The following CCDC171 variants were observed in gnomAD, a reference collection of about 807,000 sequenced individuals.
CCDC171 encodes the protein coiled-coil domain-containing protein 171.
CCDC171 carries 177 observed loss-of-function variants against 168.2 expected under a neutral mutation model. The ratio of observed to expected loss-of-function variants is 1.05; its 90% CI spans 0.93 to 1.19. CCDC171 has a LOEUF of 1.19. CCDC171 is among the 50% of genes most tolerant of loss of function. The pLI, the probability that CCDC171 is intolerant of heterozygous loss-of-function variation, is 0.00. For synonymous variants in CCDC171, 687 were observed against 540.8 expected (o/e 1.27, Z -3.75); for missense variants, 1,991 against 1,539.0 (o/e 1.29, Z -4.91).
intron 21 of CCDC171, among the ~76,000 whole-genome samples, chr9:15,804,416 G>C (rs539374588): frequency 6.7e-6 from 1 of 149,610 alleles, no homozygotes; most frequent in South Asian, 2.1e-4. Context: ...TCAATACCTA[G>C]TTTATTGATC....
intron 18 of CCDC171, among the ~76,000 whole-genome samples, chr9:15,770,248 A>G (rs891834051): frequency 2.6e-5 from 4 of 152,218 alleles, no homozygotes; most frequent in Admixed American, 6.5e-5. Flanking sequence ...AAAAAGTTCA[A>G]TGTTCTTATT....
At chr9:15,937,932 G>A (rs1178598310) in intron 25 of CCDC171, among the ~76,000 whole-genome samples, 1 of 151,868 alleles carries the variant, frequency 6.6e-6, no homozygotes, top group Non-Finnish European at 1.5e-5. Flanking sequence ...AGGAATGGAT[G>A]GGTGAAGAGA....
intron 24 of CCDC171, among the ~76,000 whole-genome samples, chr9:15,912,035 T>C (rs1823735672): frequency 6.6e-6 from 1 of 152,232 alleles, no homozygotes; most frequent in African/African-American, 2.4e-5. Flanking sequence ...GTACAGGCTC[T>C]CTTTTTGTTC....
chr9:16,104,347 G>A, the CCDC171 span, among the ~76,000 whole-genome samples: 1 of 151,204 alleles, frequency 6.6e-6, no homozygotes, highest in Admixed American at 6.6e-5. Flanking sequence ...CAAAGCTCCT[G>A]CCTTTCTCTT....
chr9:15,975,516 T>C (rs1344443424), downstream of CCDC171, among the ~76,000 whole-genome samples: 1 of 152,190 alleles, frequency 6.6e-6, no homozygotes, highest in Non-Finnish European at 1.5e-5. Context: ...ACAGTAACTG[T>C]GAAGTTGGTG....
the CCDC171 span, among the ~76,000 whole-genome samples, chr9:16,102,299 A>G: frequency 6.6e-6 from 1 of 152,124 alleles, no homozygotes; most frequent in Non-Finnish European, 1.5e-5. Flanking sequence ...AGATCTGTAG[A>G]CATATACACA....
At chr9:15,698,579 A>G (rs2133829908) in intron 11 of CCDC171, among the ~76,000 whole-genome samples, 1 of 151,530 alleles carries the variant, frequency 6.6e-6, no homozygotes, top group East Asian at 1.9e-4. Flanking sequence ...TGGCTTATTT[A>G]ACTTAACATA....
intron 7 of CCDC171, among the ~76,000 whole-genome samples, chr9:15,628,344 C>A (rs921286881): frequency 6.6e-6 from 1 of 152,148 alleles, no homozygotes; most frequent in African/African-American, 2.4e-5. Flanking sequence ...GCTTTTCCGA[C>A]GGGCTTAAAA....
At chr9:15,563,129 C>T (rs969686430) in intron 1 of CCDC171, among the ~76,000 whole-genome samples, 1 of 149,788 alleles carries the variant, frequency 6.7e-6, no homozygotes, top group East Asian at 1.9e-4. Flanking sequence ...GTGACTTTTT[C>T]AAGTTACTTC....
At chr9:15,943,747 G>A (rs1251044833) in intron 25 of CCDC171, among the ~76,000 whole-genome samples, 1 of 151,856 alleles carries the variant, frequency 6.6e-6, no homozygotes. Flanking sequence ...ATCTGCACAT[G>A]GATTGAATAC....
the CCDC171 span, among the ~76,000 whole-genome samples, chr9:16,097,212 C>T: frequency 2.6e-5 from 4 of 151,746 alleles, no homozygotes; most frequent in South Asian, 4.2e-4. Context: ...CAAGCCAGTC[C>T]GAACAGATGA....
At chr9:15,634,319 G>A (rs541783654) in intron 7 of CCDC171, among the ~76,000 whole-genome samples, 24 of 152,046 alleles carry the variant, frequency 1.6e-4, no homozygotes, top group Non-Finnish European at 2.6e-4. Context: ...ACAATCTATA[G>A]GTCTTTTCTC....
chr9:16,059,696 A>G (rs2133084453), intron 1 of CCDC171, among the ~76,000 whole-genome samples: 1 of 149,470 alleles, frequency 6.7e-6, no homozygotes, highest in South Asian at 2.1e-4. Context: ...TTGTATTTTT[A>G]GTAGAGACGG....
rs754606107 is a variant in CCDC171, at chr9:15,777,841, T to C, written c.2898+15T>C. 8.7e-5 allele frequency: 133 copies of C among 1,525,486 alleles called. No homozygotes were observed. Among genetic ancestry groups the C allele is most frequent in the Non-Finnish European group, 1.1e-4 (128 of 1,128,164 alleles). The allele number at this position is 1,525,486 out of a possible 1,614,324, so 94.5% of individuals were successfully genotyped here. On this transcript the variant is annotated intron_variant, in intron 19 of 25. Transcript: ENST00000380701. ...TGCCCATTACGGTATGTATACACTT[T>C]CATTTAGTAGTAACCTAAGAACTTG...
intron 22 of CCDC171, among the ~76,000 whole-genome samples, chr9:15,847,377 T>A (rs1049286242): frequency 6.6e-6 from 1 of 152,078 alleles, no homozygotes; most frequent in African/African-American, 2.4e-5. Flanking sequence ...TTCTAATATT[T>A]TAAGTAGAAA....
intron 21 of CCDC171, among the ~76,000 whole-genome samples, chr9:15,787,614 T>A (rs1208853087): frequency 1.3e-5 from 2 of 152,156 alleles, no homozygotes; most frequent in Non-Finnish European, 2.9e-5. Context: ...TACGCACATA[T>A]CTGTGATTAT....
chr9:15,866,350 A>G (rs914717534), intron 23 of CCDC171, among the ~76,000 whole-genome samples: 1 of 151,986 alleles, frequency 6.6e-6, no homozygotes, highest in Non-Finnish European at 1.5e-5. Context: ...AAGCTGTAGC[A>G]TTAGGCTAGA....
intron 25 of CCDC171, among the ~76,000 whole-genome samples, chr9:15,971,208 C>G (rs1330052102): frequency 6.6e-6 from 1 of 152,042 alleles, no homozygotes; most frequent in Non-Finnish European, 1.5e-5. Context: ...TCTAAGTAAT[C>G]TAATCTTCCA....
At chr9:16,049,275 A>G (rs1364872383) in intron 1 of CCDC171, among the ~76,000 whole-genome samples, 3 of 152,198 alleles carry the variant, frequency 2.0e-5, no homozygotes, top group Non-Finnish European at 4.4e-5. Context: ...TGTGGGTGCC[A>G]AGTGGATGAG....
Sources: gnomAD v4.1 joint callset for allele counts (sites outside exome capture counted in the v4.1 genomes callset) on GRCh38, gnomAD v4.1.1 for gene constraint, MANE v1.5 for transcripts, NCBI Gene and HGNC (gene_info 2026-07-23, HGNC 2026-07-21) for gene names.